DAB1: variants seen among roughly 807,000 people sequenced by gnomAD.
The protein encoded by DAB1 is DAB adaptor protein 1.
DAB1 carries 15 observed loss-of-function variants against 64.6 expected under a neutral mutation model. That is an observed-to-expected ratio of 0.23 (90% CI 0.16 to 0.36). The LOEUF (loss-of-function observed/expected upper bound fraction) is 0.36. Ranked by LOEUF, DAB1 falls within the 10% of genes least tolerant of loss-of-function variation. The pLI, the probability that DAB1 is intolerant of heterozygous loss-of-function variation, is 1.00. For missense variants in DAB1, 596 were observed against 706.7 expected (o/e 0.84, Z 1.78); for synonymous variants, 235 against 251.9 (o/e 0.93, Z 0.64).
Position 56,997,516 on chromosome 1 carries a change from AG to A in DAB1, c.*627del, listed in dbSNP as rs1645673935. The stretch of plus-strand genomic sequence containing the variant: ...GATTTCTTCACCCATATCTAAAAAA[AG>A]TCAAAAGCAATACAAAAATTTGTAC... On this transcript the variant is annotated 3_prime_UTR_variant, in exon 15 of 15. Coordinates refer to ENST00000371236, the MANE Select transcript of DAB1 (RefSeq NM_001365792.1). 1 of 150,412 alleles carries A rather than the reference AG, an allele frequency of 6.6e-6. No homozygotes were observed. The highest frequency in any genetic ancestry group is 2.5e-5 in the African/African-American group (1 of 40,560). 9.3% of individuals were successfully genotyped at this position (150,412 alleles called of 1,614,324 possible). A position where few individuals can be genotyped will look rare whatever the true frequency, so the allele number is the denominator to read the frequency against.
At chr1:57,931,144 G>T (rs1644947389) in intron 5 of DAB1, among the ~76,000 whole-genome samples, 2 of 152,126 alleles carry the variant, frequency 1.3e-5, no homozygotes, top group Non-Finnish European at 2.9e-5. Context: ...CTGATGTGAT[G>T]GATTATGTTA....
intron 5 of DAB1, among the ~76,000 whole-genome samples, chr1:58,146,812 A>G (rs547312863): frequency 4.6e-5 from 7 of 152,226 alleles, no homozygotes; most frequent in Admixed American, 1.3e-4. Flanking sequence ...AACATATACC[A>G]TAATTCCTTT....
chr1:58,321,767 A>G (rs1662689087), intron 4 of DAB1, among the ~76,000 whole-genome samples: 1 of 152,250 alleles, frequency 6.6e-6, no homozygotes, highest in South Asian at 2.1e-4. Context: ...GGGAAGCTCC[A>G]ACTGGGCGGA....
chr1:58,421,334 A>T (rs138742342), intron 3 of DAB1, among the ~76,000 whole-genome samples: 5 of 152,206 alleles, frequency 3.3e-5, no homozygotes, highest in African/African-American at 1.2e-4. Context: ...ATTTATTCTC[A>T]AAGTATTTAC....
chr1:58,084,725 G>C (rs1205386393), intron 5 of DAB1, among the ~76,000 whole-genome samples: 1 of 151,616 alleles, frequency 6.6e-6, no homozygotes, highest in Non-Finnish European at 1.5e-5. Context: ...TCCTCCCTGT[G>C]TAAGATGGAG....
chr1:57,933,037 C>G (rs1422985832), intron 5 of DAB1, among the ~76,000 whole-genome samples: 1 of 152,142 alleles, frequency 6.6e-6, no homozygotes, highest in Admixed American at 6.5e-5. Context: ...GACAAAAGCA[C>G]TAGGAGGTTT....
chr1:58,228,681 G>T, intron 4 of DAB1: 4 of 1,128,920 alleles, frequency 3.5e-6, no homozygotes, highest in South Asian at 2.5e-5. Flanking sequence ...TGGGGTGAGG[G>T]CTCAGTACCT....
At chr1:57,334,756 TACAGATGAGGAAACTGAG>T (rs1168965959) in intron 1 of DAB1, among the ~76,000 whole-genome samples, 1 of 152,210 alleles carries the variant, frequency 6.6e-6, no homozygotes, top group Non-Finnish European at 1.5e-5. Flanking sequence ...GTCTCCACCA[TACAGATGAGGAAACTGAG>T]GCAGGGATGG....
chr1:58,433,042 T>A (rs1054036250), intron 3 of DAB1, among the ~76,000 whole-genome samples: 1 of 152,206 alleles, frequency 6.6e-6, no homozygotes, highest in East Asian at 1.9e-4. Flanking sequence ...TGCTCCCATG[T>A]GTGGATAATG....
At chr1:57,263,283 A>AT (rs1333834168) in intron 2 of DAB1, among the ~76,000 whole-genome samples, 10 of 151,462 alleles carry the variant, frequency 6.6e-5, no homozygotes, top group East Asian at 1.9e-4. Flanking sequence ...GCCAGGCTAA[A>AT]TTTTTTTTGT....
At chr1:58,404,735 C>T (rs1644600965) in intron 3 of DAB1, among the ~76,000 whole-genome samples, 1 of 152,160 alleles carries the variant, frequency 6.6e-6, no homozygotes, top group Non-Finnish European at 1.5e-5. Flanking sequence ...AAATCACTAA[C>T]CCTTTCCACT....
intron 2 of DAB1, among the ~76,000 whole-genome samples, chr1:57,150,129 G>T (rs529786806): frequency 2.0e-4 from 30 of 152,198 alleles, no homozygotes; most frequent in African/African-American, 6.3e-4. Flanking sequence ...TATAATCGTT[G>T]GTAAGTTCCT....
chr1:57,949,549 T>TAC (rs879869080), intron 5 of DAB1, among the ~76,000 whole-genome samples: 53 of 134,738 alleles, frequency 3.9e-4, no homozygotes, highest in South Asian at 8.6e-4. Context: ...ATCATCTATC[T>TAC]ACACACACAC....
chr1:57,106,915 C>T (rs563191022), intron 4 of DAB1, among the ~76,000 whole-genome samples: 1 of 152,124 alleles, frequency 6.6e-6, no homozygotes, highest in Admixed American at 6.6e-5. Context: ...ACAGATGAAG[C>T]AATAGCTACA....
At chr1:58,470,943 A>C (rs1259840687) in intron 3 of DAB1, among the ~76,000 whole-genome samples, 3 of 152,180 alleles carry the variant, frequency 2.0e-5, no homozygotes, top group African/African-American at 7.2e-5. Flanking sequence ...GCAAAAGCTT[A>C]TTAGGCCTTC....
rs529186116 is a variant in DAB1 at position 57,124,807 on chromosome 1, A to AG, written c.306+11735dup. The stretch of plus-strand genomic sequence containing the variant: ...TGAAGCCATAATACAGAAGCTGCCT[A>AG]GGGCTGAAATGGCTGCATACTGCAT... On this transcript the variant is annotated intron_variant, in intron 4 of 14. Transcript: ENST00000371236. Among the ~76,000 whole-genome samples, 23 of 152,304 alleles carry AG rather than the reference A, an allele frequency of 1.5e-4. No homozygotes were observed. In the East Asian group the frequency reaches 4.3e-3, roughly 28 times the overall value.
intron 5 of DAB1, among the ~76,000 whole-genome samples, chr1:58,006,940 T>C (rs1178272841): frequency 6.6e-6 from 1 of 152,218 alleles, no homozygotes; most frequent in Non-Finnish European, 1.5e-5. Context: ...CCAGCTTCCC[T>C]GACACTCATT....
chr1:57,921,084 T>C (rs1166883242), intron 5 of DAB1, among the ~76,000 whole-genome samples: 1 of 152,178 alleles, frequency 6.6e-6, no homozygotes, highest in Non-Finnish European at 1.5e-5. Flanking sequence ...CATCATAATA[T>C]GGTGATAAAA....
intron 6 of DAB1, among the ~76,000 whole-genome samples, chr1:57,684,138 T>C (rs1286749281): frequency 6.6e-6 from 1 of 152,108 alleles, no homozygotes; most frequent in African/African-American, 2.4e-5. Context: ...ACCAAACTTA[T>C]GACTCATTGA....
Sources: allele counts gnomAD v4.1 joint callset (sites outside exome capture counted in the v4.1 genomes callset), GRCh38; gene constraint gnomAD v4.1.1; transcripts MANE v1.5; gene names NCBI Gene and HGNC (gene_info 2026-07-23, HGNC 2026-07-21).